The following AFTPH variants were observed in gnomAD, a reference collection of about 807,000 sequenced individuals.
The protein encoded by AFTPH is aftiphilin protein.
AFTPH carries 7 observed loss-of-function variants against 72.5 expected under a neutral mutation model. The observed-to-expected ratio is 0.10, with a 90% CI of 0.05 to 0.18. The LOEUF is 0.18. AFTPH is among the 10% of genes least tolerant of loss of function. AFTPH has a pLI of 1.00. For missense variants in AFTPH, 979 were observed against 1,060.5 expected (o/e 0.92, Z 1.07); for synonymous variants, 337 against 370.1 (o/e 0.91, Z 1.03).
intron 7 of AFTPH, among the ~76,000 whole-genome samples, chr2:64,584,610 T>TA (rs1208684189): frequency 6.7e-6 from 1 of 150,030 alleles, no homozygotes; most frequent in Non-Finnish European, 1.5e-5. Context: ...TTTTTTTTTT[T>TA]TTTTGAGACG....
chr2:64,589,073 C>T (rs1241206529), intron 8 of AFTPH, among the ~76,000 whole-genome samples: 3 of 152,104 alleles, frequency 2.0e-5, no homozygotes, highest in African/African-American at 7.2e-5. Context: ...TTGATAAGAT[C>T]TAATTTTTCT....
At chr2:64,534,383 T>A (rs1409581741) in intron 1 of AFTPH, among the ~76,000 whole-genome samples, 2 of 152,176 alleles carry the variant, frequency 1.3e-5, no homozygotes, top group African/African-American at 4.8e-5. Context: ...CAAAAAAAAA[T>A]TACTAAGAGT....
At chr2:64,552,773 T>G (rs1671129886) in exon 2 of AFTPH, 1 of 1,614,198 alleles carries the variant, frequency 6.2e-7, no homozygotes, top group East Asian at 2.2e-5. Flanking sequence ...ATGATTTTGG[T>G]GATTTTGGTG....
At chr2:64,583,804 A>G (rs531765719) in intron 7 of AFTPH, among the ~76,000 whole-genome samples, 2 of 152,280 alleles carry the variant, frequency 1.3e-5, no homozygotes, top group African/African-American at 2.4e-5. Flanking sequence ...TACATTTTCT[A>G]TAGCCTTCCT....
chr2:64,576,216 A>G (rs191408255), intron 6 of AFTPH, among the ~76,000 whole-genome samples: 393 of 149,366 alleles, frequency 2.6e-3, no homozygotes, highest in African/African-American at 8.4e-3. Context: ...ATATATGTAA[A>G]TATATGTAAT....
At chr2:64,569,903 T>C (rs189816380) in intron 5 of AFTPH, among the ~76,000 whole-genome samples, 3 of 152,332 alleles carry the variant, frequency 2.0e-5, no homozygotes, top group Non-Finnish European at 4.4e-5. Flanking sequence ...TTGAAAATTT[T>C]TATCTTAGTA....
At chr2:64,535,574 T>A (rs570142838) in intron 1 of AFTPH, among the ~76,000 whole-genome samples, 4 of 148,434 alleles carry the variant, frequency 2.7e-5, no homozygotes, top group African/African-American at 1.1e-4. Context: ...AAATGGGTTT[T>A]TGTGATTAAA....
intron 2 of AFTPH, among the ~76,000 whole-genome samples, chr2:64,561,043 T>G (rs1012604042): frequency 6.4e-4 from 98 of 152,320 alleles, no homozygotes; most frequent in African/African-American, 2.1e-3. Context: ...TATGAACTAG[T>G]CTAAGCACAA....
exon 6 of AFTPH, chr2:64,573,033 C>T (rs780456397): frequency 6.2e-7 from 1 of 1,614,046 alleles, no homozygotes; most frequent in Non-Finnish European, 8.5e-7. Context: ...CACCATGTCA[C>T]CAGATATGAA....
At chr2:64,569,271 A>G in intron 4 of AFTPH, 53 bp downstream of exon 4, 1 of 1,557,716 alleles carries the variant, frequency 6.4e-7, no homozygotes, top group Non-Finnish European at 8.7e-7. Context: ...GGATGTTTTA[A>G]AATTCTGTCA....
At chr2:64,535,056 T>C (rs947846039) in intron 1 of AFTPH, among the ~76,000 whole-genome samples, 3 of 152,218 alleles carry the variant, frequency 2.0e-5, no homozygotes, top group African/African-American at 7.2e-5. Flanking sequence ...TTCTTAGTGC[T>C]AGTCTCAGAT....
Position 64,591,448 on chromosome 2 carries a change from C to T in AFTPH, c.2580-437C>T, listed in dbSNP as rs575670426. 1.6e-4 allele frequency among the ~76,000 whole-genome samples: 24 copies of T among 152,334 alleles called. No individual in the cohort carries two copies. The South Asian group carries it at 4.4e-3, about 28-fold the overall frequency. ...TGAGGTTAAAATGACTTAGTCTTTC[C>T]CTGGGCACACTTTGTTTCAGGCTGA... On this transcript the variant is annotated intron_variant, in intron 8 of 8. Coordinates refer to ENST00000238856, the Ensembl canonical transcript of AFTPH.
At chr2:64,583,132 A>G (rs1418041110) in intron 7 of AFTPH, among the ~76,000 whole-genome samples, 1 of 152,142 alleles carries the variant, frequency 6.6e-6, no homozygotes, top group East Asian at 1.9e-4. Context: ...ACAGGTATCA[A>G]CACCTTCCTT....
At chr2:64,586,052 G>T (rs1279878439) in intron 8 of AFTPH, among the ~76,000 whole-genome samples, 1 of 152,172 alleles carries the variant, frequency 6.6e-6, no homozygotes, top group African/African-American at 2.4e-5. Flanking sequence ...CAGAGGCATG[G>T]CCTATTGAAG....
At chr2:64,530,994 G>A (rs1045187665) in intron 1 of AFTPH, among the ~76,000 whole-genome samples, 64 of 146,204 alleles carry the variant, frequency 4.4e-4, no homozygotes, top group African/African-American at 1.5e-3. Context: ...CCCGGGAGGT[G>A]GAGATTGCAG....
In AFTPH at chr2:64,529,200, A is replaced by G. The variant is rs372280477; in HGVS notation, c.-33+4588A>G. On this transcript the variant is annotated intron_variant, in intron 1 of 8. Coordinates refer to ENST00000238856, the Ensembl canonical transcript of AFTPH. ...CCTTCATATATCCTGTGTTCTAACC[A>G]TATTTTATTATGTGTCTTACTGTTC... Among the ~76,000 whole-genome samples the G allele has an allele frequency of 2.0e-4, 30 of 152,216 alleles. No homozygotes were observed. In the East Asian group the frequency reaches 3.9e-3, roughly 20 times the overall value.
chr2:64,552,761 A>C (rs1325508404), exon 2 of AFTPH: 1 of 1,614,222 alleles, frequency 6.2e-7, no homozygotes, highest in African/African-American at 1.3e-5. Context: ...ATATCAATGA[A>C]GATGATTTTG....
At position 64,585,295 on chromosome 2, in the gene AFTPH, C is replaced by A. The variant is rs989734184; in HGVS notation, c.2456-127C>A. ...AAAATAAATGCAGTATTGCAGTGTT[C>A]TAAAGATATGTTCTGTTTGTAAAAC... On this transcript the variant is annotated intron_variant, in intron 7 of 8. Transcript: ENST00000238856. 4 of 1,176,526 alleles carry A rather than the reference C, an allele frequency of 3.4e-6. No homozygotes were observed. In the African/African-American group the frequency reaches 4.6e-5, roughly 14 times the overall value. The allele number at this position is 1,176,526 out of a possible 1,614,324, so 72.9% of individuals were successfully genotyped here.
intron 1 of AFTPH, among the ~76,000 whole-genome samples, chr2:64,547,305 C>T (rs1670707304): frequency 6.6e-6 from 1 of 152,112 alleles, no homozygotes; most frequent in Admixed American, 6.5e-5. Flanking sequence ...GATTACAGGC[C>T]AGTAATTTTG....
Sources: gnomAD v4.1 joint callset for allele counts (sites outside exome capture counted in the v4.1 genomes callset) on GRCh38, gnomAD v4.1.1 for gene constraint, MANE v1.5 for transcripts, NCBI Gene and HGNC (gene_info 2026-07-23, HGNC 2026-07-21) for gene names.